The following PHACTR1 variants were observed in gnomAD, a reference collection of about 807,000 sequenced individuals.
The protein encoded by PHACTR1 is phosphatase and actin regulator 1.
In PHACTR1, 16 loss-of-function variants were observed where a neutral mutation model predicts 69.2. The ratio of observed to expected loss-of-function variants is 0.23; its 90% CI spans 0.16 to 0.35. The LOEUF is 0.35. Ranked by LOEUF, PHACTR1 falls within the 10% of genes least tolerant of loss-of-function variation. PHACTR1 has a pLI of 1.00. For missense variants in PHACTR1, 510 were observed against 734.7 expected (o/e 0.69, Z 3.54); for synonymous variants, 312 against 284.5 (o/e 1.10, Z -0.97).
intron 7 of PHACTR1, among the ~76,000 whole-genome samples, chr6:13,195,663 C>G (rs1403048579): frequency 1.4e-5 from 2 of 146,510 alleles, no homozygotes; most frequent in African/African-American, 5.1e-5. Context: ...GAGGCTGAAG[C>G]ATGAAAATTG....
intron 5 of PHACTR1, among the ~76,000 whole-genome samples, chr6:13,077,670 C>T (rs1810738060): frequency 6.6e-6 from 1 of 152,116 alleles, no homozygotes; most frequent in South Asian, 2.1e-4. Flanking sequence ...CTTTGGGTGA[C>T]TGACTGGCAG....
At chr6:13,072,161 C>T (rs1442758162) in intron 5 of PHACTR1, among the ~76,000 whole-genome samples, 1 of 152,166 alleles carries the variant, frequency 6.6e-6, no homozygotes, top group Non-Finnish European at 1.5e-5. Context: ...TACAAGGATA[C>T]TCATAATAAC....
chr6:12,749,891 C>T (rs892896460), intron 4 of PHACTR1, 101 bp downstream of exon 4: 43 of 1,130,900 alleles, frequency 3.8e-5, no homozygotes, highest in Non-Finnish European at 5.2e-5. Context: ...CGCCGCCCCC[C>T]GCAGTCGGGC....
At chr6:12,994,177 T>C (rs750301610) in intron 4 of PHACTR1, among the ~76,000 whole-genome samples, 4 of 152,086 alleles carry the variant, frequency 2.6e-5, no homozygotes, top group Admixed American at 6.6e-5. Flanking sequence ...AAGATAGAAT[T>C]AATAAACTGG....
intron 5 of PHACTR1, among the ~76,000 whole-genome samples, chr6:13,128,419 T>C: frequency 6.6e-6 from 1 of 150,742 alleles, no homozygotes; most frequent in Non-Finnish European, 1.5e-5. Context: ...AGGATATGGA[T>C]GAAAAATGCC....
chr6:13,124,279 A>C (rs777808367), intron 5 of PHACTR1, among the ~76,000 whole-genome samples: 13 of 152,184 alleles, frequency 8.5e-5, no homozygotes, highest in Non-Finnish European at 1.6e-4. Context: ...CATACCATGG[A>C]GTTCCCAATA....
chr6:13,115,192 A>G (rs1216195167), intron 5 of PHACTR1, among the ~76,000 whole-genome samples: 1 of 152,220 alleles, frequency 6.6e-6, no homozygotes, highest in Non-Finnish European at 1.5e-5. Flanking sequence ...GTTAAATGCT[A>G]TAATGACTTG....
At chr6:12,720,988 A>G (rs1344872551) in intron 3 of PHACTR1, among the ~76,000 whole-genome samples, 7 of 152,248 alleles carry the variant, frequency 4.6e-5, no homozygotes, top group African/African-American at 1.7e-4. Context: ...TAATGAGGTA[A>G]GATTTTAAAG....
intron 10 of PHACTR1, among the ~76,000 whole-genome samples, chr6:13,252,562 A>C (rs540815262): frequency 6.6e-6 from 1 of 151,296 alleles, no homozygotes; most frequent in South Asian, 2.1e-4. Context: ...AGAATGCAAA[A>C]ATACAAATCT....
intron 4 of PHACTR1, among the ~76,000 whole-genome samples, chr6:12,927,206 T>G (rs1443446578): frequency 2.0e-5 from 3 of 152,192 alleles, no homozygotes; most frequent in African/African-American, 7.2e-5. Flanking sequence ...GCATCTATTT[T>G]TCTAATTCAC....
intron 9 of PHACTR1, among the ~76,000 whole-genome samples, chr6:13,229,346 G>T (rs190448471): frequency 1.3e-5 from 2 of 152,106 alleles, no homozygotes; most frequent in Non-Finnish European, 1.5e-5. Flanking sequence ...TGTTCCCTGG[G>T]GAGCAAAATC....
chr6:13,169,933 G>A (rs1289893106), intron 6 of PHACTR1, among the ~76,000 whole-genome samples: 6 of 152,136 alleles, frequency 3.9e-5, no homozygotes, highest in Non-Finnish European at 5.9e-5. Context: ...AGAGTTTGTT[G>A]GTGCTCATTT....
At chr6:12,826,892 C>T (rs1012523481) in intron 4 of PHACTR1, among the ~76,000 whole-genome samples, 7 of 152,168 alleles carry the variant, frequency 4.6e-5, no homozygotes, top group Admixed American at 2.6e-4. Context: ...TGTAGAAGGA[C>T]CAACGAGTTC....
intron 5 of PHACTR1, among the ~76,000 whole-genome samples, chr6:13,124,209 G>A (rs1165000771): frequency 6.6e-6 from 1 of 152,202 alleles, no homozygotes; most frequent in Non-Finnish European, 1.5e-5. Flanking sequence ...GGGACCTCTT[G>A]TTGATGCTAG....
intron 5 of PHACTR1, among the ~76,000 whole-genome samples, chr6:13,122,537 C>G (rs1016374544): frequency 1.3e-5 from 2 of 152,144 alleles, no homozygotes; most frequent in Admixed American, 1.3e-4. Context: ...ACAGGACTTT[C>G]CCGCTAGAAT....
intron 7 of PHACTR1, among the ~76,000 whole-genome samples, chr6:13,205,138 G>C (rs35207258): frequency 0.21 from 32,347 of 152,132 alleles, 4,208 homozygotes; most frequent in Non-Finnish European, 0.29. Flanking sequence ...TCCACCTATG[G>C]AGGAAAGCAG....
intron 4 of PHACTR1, among the ~76,000 whole-genome samples, chr6:12,913,447 T>C (rs1405127195): frequency 6.6e-6 from 1 of 152,220 alleles, no homozygotes; most frequent in Non-Finnish European, 1.5e-5. Flanking sequence ...AGCTTCCATC[T>C]GAGACCATGT....
chr6:13,074,353 C>G (rs906850343), intron 5 of PHACTR1, among the ~76,000 whole-genome samples: 3 of 152,106 alleles, frequency 2.0e-5, no homozygotes, highest in Admixed American at 2.0e-4. Context: ...GATAAGAAAT[C>G]GATAACGACA....
At chr6:12,749,854 GC>G in intron 4 of PHACTR1, 64 bp downstream of exon 4, 3 of 1,401,618 alleles carry the variant, frequency 2.1e-6, no homozygotes, top group Admixed American at 2.7e-5. Context: ...CGGCTGTTGA[GC>G]CCCCGCCCCT....
Sources: allele counts gnomAD v4.1 joint callset (sites outside exome capture counted in the v4.1 genomes callset), GRCh38; gene constraint gnomAD v4.1.1; transcripts MANE v1.5; gene names NCBI Gene and HGNC (gene_info 2026-07-23, HGNC 2026-07-21).